PCNX4: variants seen among roughly 807,000 people sequenced by gnomAD.
The protein encoded by PCNX4 is pecanex 4, also known as pecanex-like protein 4.
PCNX4 carries 103 observed loss-of-function variants against 107.2 expected under a neutral mutation model. The ratio of observed to expected loss-of-function variants is 0.96; its 90% CI spans 0.82 to 1.13. The LOEUF (loss-of-function observed/expected upper bound fraction) is 1.13, where lower values mean the gene tolerates loss of function less well. PCNX4 is among the 50% of genes most tolerant of loss of function. PCNX4 has a pLI of 0.00. For missense variants in PCNX4, 1,528 were observed against 1,379.4 expected (o/e 1.11, Z -1.71); for synonymous variants, 541 against 481.7 (o/e 1.12, Z -1.61).
chr14:60,129,363 G>A (rs952124422), intron 10 of PCNX4, among the ~76,000 whole-genome samples: 10 of 152,038 alleles, frequency 6.6e-5, no homozygotes, highest in Admixed American at 3.9e-4. Context: ...AGACCAGTCC[G>A]GGCAACATAG....
chr14:60,127,742 A>C (rs1259204148), intron 10 of PCNX4, among the ~76,000 whole-genome samples: 3 of 152,258 alleles, frequency 2.0e-5, no homozygotes, highest in Admixed American at 2.0e-4. Context: ...GGGAAAGTCT[A>C]ACCCATATAT....
chr14:60,121,702 C>G (rs1022717112), intron 8 of PCNX4, among the ~76,000 whole-genome samples: 1 of 152,040 alleles, frequency 6.6e-6, no homozygotes, highest in Non-Finnish European at 1.5e-5. Context: ...GCAAAATGGC[C>G]TTATTAGAGC....
Position 60,145,097 on chromosome 14 carries a change from A to C in PCNX4, c.*10876A>C, listed in dbSNP as rs980778037. On this transcript the variant is annotated 3_prime_UTR_variant, in exon 11 of 11. Coordinates refer to ENST00000406854, the MANE Select transcript of PCNX4 (RefSeq NM_001330177.2). The surrounding 1 kb of genome is among the most constrained non-coding windows in gnomAD (Gnocchi z 4.0). ...ACATTTAAGTCCTTCTGTTTTGAGG[A>C]GCTGTATCATTATGATTCACTATTA... is the stretch of plus-strand genomic sequence containing the variant. The C allele has an allele frequency of 2.8e-5, 25 of 905,780 alleles. No individual in the cohort carries two copies. Among genetic ancestry groups the C allele is most frequent in the Non-Finnish European group, 4.0e-5 (25 of 621,906 alleles). 56.1% of individuals were successfully genotyped at this position (905,780 alleles called of 1,614,324 possible). A position where few individuals can be genotyped will look rare whatever the true frequency, so the allele number is the denominator to read the frequency against.
chr14:60,145,501 C>T lies in PCNX4; in HGVS notation c.*11280C>T, dbSNP rs1388406487. On this transcript the variant is annotated 3_prime_UTR_variant, in exon 11 of 11. Transcript: ENST00000406854. This position sits in a 1 kb window ranked among gnomAD's most constrained non-coding sequence, Gnocchi z 4.0. ...AGTTAGAGACCAGCCTGGCAAAACC[C>T]CATCTCTACTAAAAATACAAAAATT... is the stretch of plus-strand genomic sequence containing the variant. 6.6e-6 allele frequency: 1 copy of T among 152,220 alleles called. No individual in the cohort carries two copies. The highest frequency in any genetic ancestry group is 1.5e-5 in the Non-Finnish European group (1 of 68,178). The allele number at this position is 152,220 out of a possible 1,614,324, so 9.4% of individuals were successfully genotyped here. A position where few individuals can be genotyped will look rare whatever the true frequency, so the allele number is the denominator to read the frequency against.
At chr14:60,111,678 G>A (rs567031771) in intron 2 of PCNX4, among the ~76,000 whole-genome samples, 20 of 152,022 alleles carry the variant, frequency 1.3e-4, no homozygotes, top group African/African-American at 4.8e-4. Context: ...CTTTTAATTT[G>A]GTTTTCCCGA....
Position 60,137,610 on chromosome 14 carries a change from G to A in PCNX4, c.*3389G>A, listed in dbSNP as rs1169466729. The stretch of plus-strand genomic sequence containing the variant: ...TGATGAAAATCCGAAAGAAGCGACA[G>A]ATGATGGGACAGAGCCACAGGGGAC... On this transcript the variant is annotated 3_prime_UTR_variant, in exon 11 of 11. Coordinates refer to ENST00000406854, the MANE Select transcript of PCNX4 (RefSeq NM_001330177.2). 1 of 152,238 alleles carries A rather than the reference G, an allele frequency of 6.6e-6. No homozygotes were observed. Among genetic ancestry groups the A allele is most frequent in the East Asian group, 1.9e-4 (1 of 5,206 alleles). The allele number at this position is 152,238 out of a possible 1,614,324, so 9.4% of individuals were successfully genotyped here.
intron 1 of PCNX4, among the ~76,000 whole-genome samples, chr14:60,103,435 T>C (rs1052630495): frequency 3.9e-5 from 6 of 152,228 alleles, no homozygotes; most frequent in Non-Finnish European, 5.9e-5. Flanking sequence ...TAGTCTATAA[T>C]TTTTCAAACT....
At chr14:60,108,378 A>C in intron 2 of PCNX4, 51 bp downstream of exon 2, 1 of 1,353,108 alleles carries the variant, frequency 7.4e-7, no homozygotes, top group Non-Finnish European at 1.0e-6. Flanking sequence ...AAGTATACAG[A>C]GTAAGAGAGC....
At chr14:60,094,212 A>G (rs778874216) in intron 1 of PCNX4, among the ~76,000 whole-genome samples, 1 of 152,168 alleles carries the variant, frequency 6.6e-6, no homozygotes, top group African/African-American at 2.4e-5. Flanking sequence ...GTCTTGTGAA[A>G]GGGTACTGGA....
At position 60,134,493 on chromosome 14, in the gene PCNX4, A is replaced by G. The variant is rs1170614007; in HGVS notation, c.*272A>G. Reference sequence around the variant, plus strand: ...TTGGTAAATGTGAGAAAACTTTTGTAGAATTATCATATAATGAATTTTGTA... The same window carrying G: ...TTGGTAAATGTGAGAAAACTTTTGTGGAATTATCATATAATGAATTTTGTA... On this transcript the variant is annotated 3_prime_UTR_variant, in exon 11 of 11. Coordinates refer to ENST00000406854, the MANE Select transcript of PCNX4 (RefSeq NM_001330177.2). The G allele has an allele frequency of 8.2e-6, 3 of 364,894 alleles. No individual in the cohort carries two copies. The highest frequency in any genetic ancestry group is 1.5e-5 in the Non-Finnish European group (3 of 202,832). 22.6% of individuals were successfully genotyped at this position (364,894 alleles called of 1,614,324 possible).
In PCNX4 at chr14:60,145,030, G is replaced by A; in HGVS notation, c.*10809G>A. 1.3e-6 allele frequency: 2 copies of A among 1,571,222 alleles called. No homozygotes were observed. Among genetic ancestry groups the A allele is most frequent in the African/African-American group, 1.4e-5 (1 of 71,714 alleles). ...GTCTGCATCCTGTAAAAGAGGGACA[G>A]AAACATGGATCAGTACCTACTCCTA... On this transcript the variant is annotated 3_prime_UTR_variant, in exon 11 of 11. Coordinates refer to ENST00000406854, the MANE Select transcript of PCNX4 (RefSeq NM_001330177.2). This position sits in a 1 kb window ranked among gnomAD's most constrained non-coding sequence, Gnocchi z 4.0.
chr14:60,121,087 G>A (rs997797741), intron 7 of PCNX4, 109 bp from the exon 8 acceptor site: 38 of 1,329,748 alleles, frequency 2.9e-5, no homozygotes, highest in East Asian at 7.9e-5. Context: ...GGTAGGAGTC[G>A]TGAATCAGTT....
chr14:60,095,187 G>C (rs957981355), intron 1 of PCNX4, among the ~76,000 whole-genome samples: 1 of 152,166 alleles, frequency 6.6e-6, no homozygotes, highest in African/African-American at 2.4e-5. Context: ...GTACACAATT[G>C]TCATGTAAGA....
intron 2 of PCNX4, among the ~76,000 whole-genome samples, chr14:60,112,138 ACTT>A (rs1432649388): frequency 1.3e-4 from 20 of 152,150 alleles, no homozygotes; most frequent in African/African-American, 2.2e-4. Context: ...CTTTTAAATG[ACTT>A]CTTCTGTGCA....
chr14:60,128,630 A>C (rs1362062971), intron 10 of PCNX4, among the ~76,000 whole-genome samples: 4 of 152,250 alleles, frequency 2.6e-5, no homozygotes, highest in African/African-American at 9.6e-5. Context: ...ACAGACAATA[A>C]TTCAAATTCA....
In PCNX4 at chr14:60,134,245, T is replaced by C. The variant is rs767779821; in HGVS notation, c.*24T>C. 6.2e-7 allele frequency: 1 copy of C among 1,603,802 alleles called. No homozygotes were observed. Among genetic ancestry groups the C allele is most frequent in the South Asian group, 1.1e-5 (1 of 90,004 alleles). On this transcript the variant is annotated 3_prime_UTR_variant, in exon 11 of 11. Coordinates refer to ENST00000406854, the MANE Select transcript of PCNX4 (RefSeq NM_001330177.2). ...AGAGCTCATTTTGACTGTAATGTCA[T>C]CAAATGCAATGTTTTTATTTTTTCA...
chr14:60,101,469 C>T (rs984601414), intron 1 of PCNX4, among the ~76,000 whole-genome samples: 4 of 152,092 alleles, frequency 2.6e-5, no homozygotes, highest in Non-Finnish European at 4.4e-5. Context: ...GATAAATTTC[C>T]ACAGATCTAT....
At position 60,124,408 on chromosome 14, in the gene PCNX4, T is replaced by C; in HGVS notation, c.2237T>C (p.Ile746Thr). 1 of 1,613,586 alleles carries C rather than the reference T, an allele frequency of 6.2e-7. No homozygotes were observed. Among genetic ancestry groups the C allele is most frequent in the African/African-American group, 1.3e-5 (1 of 75,032 alleles). Residue 746 changes from isoleucine to threonine, a missense_variant, in exon 9 of 11, where the codon ATA (isoleucine) becomes ACA (threonine). Coordinates refer to ENST00000406854, the MANE Select transcript of PCNX4 (RefSeq NM_001330177.2). ...YSDARNVLSG[I>T]IDSHENLKEF... Reference sequence around the variant, plus strand: ...GATGCCAGGAATGTTCTATCAGGCATAATTGATTCTCATGAAAACTTAAAA... The same window carrying C: ...GATGCCAGGAATGTTCTATCAGGCACAATTGATTCTCATGAAAACTTAAAA...
intron 1 of PCNX4, among the ~76,000 whole-genome samples, chr14:60,105,171 A>G (rs567046553): frequency 6.6e-6 from 1 of 152,206 alleles, no homozygotes; most frequent in Admixed American, 6.5e-5. Context: ...TGTGATGCCT[A>G]ACCTGTAGTA....
Sources: gnomAD v4.1 joint callset for allele counts (sites outside exome capture counted in the v4.1 genomes callset) on GRCh38, gnomAD v4.1.1 for gene constraint, Gnocchi (gnomAD v3.1) non-coding constraint, MANE v1.5 for transcripts, NCBI Gene and HGNC (gene_info 2026-07-23, HGNC 2026-07-21) for gene names.